Variants in LRTM3 observed in about 807,000 individuals in gnomAD.
LRTM3 encodes the protein leucine rich repeat transmembrane protein 3, also known as leucine-rich repeat transmembrane protein 3.
the LRTM3 span, chr13:102,737,364 A>T: frequency 3.2e-6 from 5 of 1,550,872 alleles, no homozygotes; most frequent in Non-Finnish European, 4.4e-6. Flanking sequence ...CTTGTGTTCA[A>T]TTCATAACAA....
the LRTM3 span, chr13:102,731,978 G>A: frequency 6.4e-7 from 1 of 1,551,266 alleles, no homozygotes; most frequent in East Asian, 2.4e-5. Context: ...TTTTGTTTGT[G>A]CCTTTAAGTA....
chr13:102,732,442 T>C, the LRTM3 span: 15 of 1,551,186 alleles, frequency 9.7e-6, no homozygotes, highest in South Asian at 1.5e-4. Flanking sequence ...TTTTCAGATC[T>C]CTTATTGTTA....
the LRTM3 span, chr13:102,737,500 C>T: frequency 1.2e-5 from 19 of 1,550,452 alleles, no homozygotes; most frequent in Non-Finnish European, 1.6e-5. Flanking sequence ...TTTCTCCATC[C>T]CTGTTCCCTT....
At chr13:102,745,899 C>T in the LRTM3 span, 2 of 1,551,088 alleles carry the variant, frequency 1.3e-6, no homozygotes, top group Non-Finnish European at 8.7e-7. Flanking sequence ...TGTGGTTGTA[C>T]CTGAATATTT....
chr13:102,754,666 G>A, the LRTM3 span, among the ~76,000 whole-genome samples: 9 of 152,208 alleles, frequency 5.9e-5, 1 homozygote, highest in South Asian at 1.7e-3. Context: ...GCCATGCATA[G>A]GGTTCCCATT....
the LRTM3 span, among the ~76,000 whole-genome samples, chr13:102,752,380 C>G: frequency 1.3e-5 from 2 of 152,142 alleles, no homozygotes; most frequent in African/African-American, 4.8e-5. Context: ...TCTTCCTGCC[C>G]TCCAATGGCC....
At chr13:102,758,617 G>A in the LRTM3 span, 1 of 1,521,992 alleles carries the variant, frequency 6.6e-7, no homozygotes, top group Non-Finnish European at 8.8e-7. Flanking sequence ...AGTAATCGGA[G>A]TATCAAAATT....
chr13:102,734,628 C>T, the LRTM3 span: 1 of 1,550,932 alleles, frequency 6.4e-7, no homozygotes, highest in Admixed American at 2.0e-5. Flanking sequence ...TCATTTTTAA[C>T]ATCTTTTGGG....
chr13:102,729,747 T>G, the LRTM3 span: 3,917 of 1,551,924 alleles, frequency 2.5e-3, 99 homozygotes, highest in African/African-American at 0.048. Context: ...CAATCCAATC[T>G]TTCTGACTCA....
the LRTM3 span, among the ~76,000 whole-genome samples, chr13:102,756,172 C>T: frequency 2.3e-4 from 34 of 150,322 alleles, no homozygotes; most frequent in African/African-American, 3.9e-4. Flanking sequence ...AGGCTGGTTT[C>T]GAACTCCTGA....
the LRTM3 span, chr13:102,730,073 G>A: frequency 2.6e-6 from 4 of 1,551,190 alleles, no homozygotes; most frequent in Non-Finnish European, 3.5e-6. Context: ...CCAGTCAGGA[G>A]ATTTCATTTT....
the LRTM3 span, chr13:102,740,237 G>T: frequency 6.5e-7 from 1 of 1,549,138 alleles, no homozygotes; most frequent in Non-Finnish European, 8.7e-7. Context: ...TAAGAGACTT[G>T]CATATTTTAT....
chr13:102,740,995 T>G, the LRTM3 span: 1 of 1,550,286 alleles, frequency 6.5e-7, no homozygotes, highest in Non-Finnish European at 8.7e-7. Context: ...CCGGAATACC[T>G]ACTTCATGTG....
chr13:102,737,138 G>A, the LRTM3 span: 2 of 1,551,028 alleles, frequency 1.3e-6, no homozygotes, highest in Non-Finnish European at 1.7e-6. Context: ...CTCAAAAATT[G>A]TGCCTTCAGG....
chr13:102,744,031 A>G, the LRTM3 span: 1 of 1,550,430 alleles, frequency 6.4e-7, no homozygotes, highest in East Asian at 2.4e-5. Flanking sequence ...ATAAGAGTTT[A>G]TCAATCATTG....
chr13:102,732,874 G>A, the LRTM3 span: 38 of 1,551,314 alleles, frequency 2.4e-5, no homozygotes, highest in African/African-American at 2.7e-5. Context: ...TGGTGTTTGC[G>A]TCTGTTTGAT....
the LRTM3 span, chr13:102,733,518 G>A: frequency 6.4e-7 from 1 of 1,551,246 alleles, no homozygotes; most frequent in Non-Finnish European, 8.7e-7. Flanking sequence ...GAAGCCTTAG[G>A]ACTGATTTTA....
At chr13:102,735,724 C>G in the LRTM3 span, 1 of 1,550,652 alleles carries the variant, frequency 6.4e-7, no homozygotes, top group South Asian at 1.2e-5. Flanking sequence ...CATGCAGTGA[C>G]TCAGTATATG....
chr13:102,750,118 G>T, the LRTM3 span: 1 of 1,551,028 alleles, frequency 6.4e-7, no homozygotes, highest in East Asian at 2.4e-5. Context: ...ATTTCTTGGA[G>T]GAAAATTGTA....
Sources: gnomAD v4.1 joint callset for allele counts (sites outside exome capture counted in the v4.1 genomes callset) on GRCh38, gnomAD v4.1.1 for gene constraint, MANE v1.5 for transcripts, NCBI Gene and HGNC (gene_info 2026-07-23, HGNC 2026-07-21) for gene names.